The following TECRL variants were observed in gnomAD, a reference collection of about 807,000 sequenced individuals.
TECRL encodes the protein trans-2,3-enoyl-CoA reductase-like.
TECRL carries 63 observed loss-of-function variants against 52.8 expected under a neutral mutation model. The ratio of observed to expected loss-of-function variants is 1.19; its 90% CI spans 0.97 to 1.47. The LOEUF is 1.47. TECRL is among the 40% of genes most tolerant of loss of function. The pLI is 0.00. For synonymous variants in TECRL, 164 were observed against 141.9 expected (o/e 1.16, Z -1.10); for missense variants, 482 against 429.6 (o/e 1.12, Z -1.08).
chr4:64,309,334 A>C (rs1724528943), intron 6 of TECRL, among the ~76,000 whole-genome samples: 1 of 152,144 alleles, frequency 6.6e-6, no homozygotes. Context: ...GTACTTTCCC[A>C]TGTCAATATT....
intron 2 of TECRL, among the ~76,000 whole-genome samples, chr4:64,363,112 TAAAGCATTCAATTCAA>T (rs1052411036): frequency 6.6e-6 from 1 of 151,936 alleles, no homozygotes; most frequent in African/African-American, 2.4e-5. Context: ...TACGTAATGA[TAAAGCATTCAATTCAA>T]AAAGACTTAA....
chr4:64,283,963 T>C (rs372941127), intron 9 of TECRL, among the ~76,000 whole-genome samples: 69 of 152,058 alleles, frequency 4.5e-4, no homozygotes, highest in African/African-American at 1.5e-3. Flanking sequence ...TATCACAATA[T>C]AAACTACCTG....
intron 4 of TECRL, among the ~76,000 whole-genome samples, chr4:64,317,920 G>A (rs1717619516): frequency 1.3e-5 from 2 of 151,940 alleles, no homozygotes; most frequent in African/African-American, 4.8e-5. Flanking sequence ...ATGGGGCCTG[G>A]GAATAAAAAA....
At chr4:64,385,433 T>C (rs1353337011) in intron 1 of TECRL, among the ~76,000 whole-genome samples, 2 of 152,094 alleles carry the variant, frequency 1.3e-5, no homozygotes, top group African/African-American at 4.8e-5. Context: ...TGTGGGAGTG[T>C]GTACTTTAAC....
intron 3 of TECRL, among the ~76,000 whole-genome samples, chr4:64,327,491 A>C (rs1238761659): frequency 6.6e-6 from 1 of 152,076 alleles, no homozygotes; most frequent in African/African-American, 2.4e-5. Flanking sequence ...AAAGGCACTT[A>C]TGTGCTGACA....
chr4:64,302,200 G>A (rs1394901049), intron 7 of TECRL, among the ~76,000 whole-genome samples: 1 of 151,404 alleles, frequency 6.6e-6, no homozygotes, highest in Non-Finnish European at 1.5e-5. Flanking sequence ...AGTAGAATAT[G>A]TGATGGAAAT....
intron 2 of TECRL, among the ~76,000 whole-genome samples, chr4:64,334,803 G>A (rs1718927104): frequency 6.6e-6 from 1 of 152,164 alleles, no homozygotes; most frequent in African/African-American, 2.4e-5. Context: ...CACAAAGCAA[G>A]AATTAAGTGG....
At position 64,280,107 on chromosome 4, in the gene TECRL, G is replaced by T; in HGVS notation, c.1057C>A (p.His353Asn). Residue 353 changes from histidine to asparagine, a missense_variant, in exon 12 of 12, where the codon CAT becomes AAT. By Grantham distance (68) the His-to-Asn change is moderately conservative. Coordinates refer to ENST00000381210, the MANE Select transcript of TECRL (RefSeq NM_001010874.5). ...IYLRKFNSYI[H>N]RKSAMIPFIL ...AATGGAATCATTGCTGATTTTCTAT[G>T]AATATATGAATTGAATTTTCTCAGA... is the stretch of plus-strand genomic sequence containing the variant. 1 of 1,600,264 alleles carries T rather than the reference G, an allele frequency of 6.2e-7. No individual in the cohort carries two copies. The highest frequency in any genetic ancestry group is 8.5e-7 in the Non-Finnish European group (1 of 1,174,298).
intron 8 of TECRL, among the ~76,000 whole-genome samples, chr4:64,289,979 T>C (rs1470022673): frequency 1.3e-5 from 2 of 152,116 alleles, no homozygotes; most frequent in African/African-American, 4.8e-5. Context: ...TCACAACAAG[T>C]TGGAAATTCT....
chr4:64,382,336 TAC>T (rs999502579), intron 1 of TECRL, among the ~76,000 whole-genome samples: 1 of 145,050 alleles, frequency 6.9e-6, no homozygotes, highest in Non-Finnish European at 1.5e-5. Flanking sequence ...TATATATATA[TAC>T]ACACACATAC....
chr4:64,406,958 T>C (rs11725349), intron 1 of TECRL, among the ~76,000 whole-genome samples: 1 of 151,368 alleles, frequency 6.6e-6, no homozygotes, highest in Non-Finnish European at 1.5e-5. Context: ...ATAATAATAA[T>C]AAATAAATCA....
chr4:64,285,852 C>G (rs1470500207), intron 9 of TECRL, among the ~76,000 whole-genome samples: 2 of 151,812 alleles, frequency 1.3e-5, no homozygotes, highest in Non-Finnish European at 2.9e-5. Flanking sequence ...CATGTGGAAG[C>G]TTAAAAGGGA....
chr4:64,389,506 A>G (rs1723406794), intron 1 of TECRL, among the ~76,000 whole-genome samples: 1 of 151,950 alleles, frequency 6.6e-6, no homozygotes, highest in African/African-American at 2.4e-5. Context: ...ATACAGTGTT[A>G]AATTCATATG....
At chr4:64,338,996 C>CATGTTTATTGT (rs1719341374) in intron 2 of TECRL, among the ~76,000 whole-genome samples, 1 of 151,838 alleles carries the variant, frequency 6.6e-6, no homozygotes, top group Non-Finnish European at 1.5e-5. Flanking sequence ...ATGTTTATTG[C>CATGTTTATTGT]GGCACTAGTC....
chr4:64,306,514 A>G (rs373706348), intron 6 of TECRL, among the ~76,000 whole-genome samples: 1 of 152,172 alleles, frequency 6.6e-6, no homozygotes, highest in South Asian at 2.1e-4. Context: ...CCTTCTTTAT[A>G]TTCAATGTTA....
intron 4 of TECRL, among the ~76,000 whole-genome samples, chr4:64,317,881 C>T (rs1029575838): frequency 7.2e-5 from 11 of 152,064 alleles, no homozygotes; most frequent in Non-Finnish European, 1.2e-4. Context: ...TAAGAAGCCT[C>T]ATATGAGCCT....
chr4:64,351,638 A>G (rs1311886148), intron 2 of TECRL, among the ~76,000 whole-genome samples: 1 of 152,190 alleles, frequency 6.6e-6, no homozygotes, highest in Non-Finnish European at 1.5e-5. Flanking sequence ...GATGTATACT[A>G]TAAATACCCT....
intron 2 of TECRL, among the ~76,000 whole-genome samples, chr4:64,359,678 T>C (rs1423165538): frequency 6.6e-6 from 1 of 152,028 alleles, no homozygotes; most frequent in African/African-American, 2.4e-5. Context: ...TCAAGAATGA[T>C]TAGCTATGAC....
chr4:64,379,803 A>T (rs1336696614), intron 1 of TECRL, among the ~76,000 whole-genome samples: 1 of 152,072 alleles, frequency 6.6e-6, no homozygotes, highest in Non-Finnish European at 1.5e-5. Context: ...AGTTCCATCT[A>T]TGTTGCTGCA....
Sources: allele counts gnomAD v4.1 joint callset (sites outside exome capture counted in the v4.1 genomes callset), GRCh38; gene constraint gnomAD v4.1.1; transcripts MANE v1.5; gene names NCBI Gene and HGNC (gene_info 2026-07-23, HGNC 2026-07-21).